Variants in NIBAN1 observed in about 807,000 individuals in gnomAD.
The protein encoded by NIBAN1 is niban apoptosis regulator 1.
In NIBAN1, 81 loss-of-function variants were observed where a neutral mutation model predicts 75.1. That is an observed-to-expected ratio of 1.08 (90% CI 0.90 to 1.30). NIBAN1 has a LOEUF of 1.30. NIBAN1 is among the 50% of genes most tolerant of loss of function. The pLI is 0.00. For missense variants in NIBAN1, 1,133 were observed against 1,128.1 expected (o/e 1.00, Z -0.06); for synonymous variants, 436 against 424.8 (o/e 1.03, Z -0.32).
intron 1 of NIBAN1, among the ~76,000 whole-genome samples, chr1:184,964,686 G>C (rs755377198): frequency 3.0e-4 from 46 of 152,166 alleles, no homozygotes; most frequent in Non-Finnish European, 6.0e-4. Flanking sequence ...AGCTTTCTAG[G>C]GGAAGACAAG....
intron 5 of NIBAN1, among the ~76,000 whole-genome samples, chr1:184,876,972 A>G (rs1183261334): frequency 6.6e-6 from 1 of 152,210 alleles, no homozygotes; most frequent in Non-Finnish European, 1.5e-5. Flanking sequence ...ACTCATTAAC[A>G]CAGATGTGAA....
At chr1:184,815,436 C>T (rs896262287) in intron 9 of NIBAN1, among the ~76,000 whole-genome samples, 6 of 152,116 alleles carry the variant, frequency 3.9e-5, no homozygotes, top group African/African-American at 1.4e-4. Flanking sequence ...AACTGTACAC[C>T]CATTGGACCC....
At chr1:184,868,163 T>C (rs1288912569) in intron 5 of NIBAN1, 1 of 510,242 alleles carries the variant, frequency 2.0e-6, no homozygotes, top group Non-Finnish European at 2.5e-6. Context: ...TACCTCCTTT[T>C]CTAAGCCTCT....
intron 8 of NIBAN1, among the ~76,000 whole-genome samples, chr1:184,820,612 T>C (rs1654669485): frequency 6.6e-6 from 1 of 152,234 alleles, no homozygotes; most frequent in Non-Finnish European, 1.5e-5. Context: ...TTTTCAAGCA[T>C]GCAGAGATGC....
rs1553227227 is a variant in NIBAN1 at position 184,913,138 on chromosome 1, T to TATATATATATATATATATG, written c.56-13830_56-13829insCATATATATATATATATAT. Among the ~76,000 whole-genome samples the TATATATATATATATATATG allele has an allele frequency of 2.4e-3, 202 of 82,752 alleles. 1 individual carries two copies. Among genetic ancestry groups the TATATATATATATATATATG allele is most frequent in the East Asian group, 8.6e-3 (34 of 3,956 alleles). 54.3% of individuals were successfully genotyped at this position (82,752 alleles called of 152,430 possible). ...ATATATGCCTTGCATATCATGCAGG[T>TATATATATATATATATATG]ATATATATATATATATTATATATAT... is the stretch of plus-strand genomic sequence containing the variant. On this transcript the variant is annotated intron_variant, in intron 1 of 13. Coordinates refer to ENST00000367511, the MANE Select transcript of NIBAN1 (RefSeq NM_052966.4).
At chr1:184,974,106 C>G (rs1053857043) in intron 1 of NIBAN1, among the ~76,000 whole-genome samples, 196 bp downstream of exon 1, 1 of 152,114 alleles carries the variant, frequency 6.6e-6, no homozygotes, top group Non-Finnish European at 1.5e-5. Context: ...CAAGCCCTCC[C>G]GGTCCCCGGT....
At chr1:184,826,951 G>C (rs530828002) in intron 6 of NIBAN1, among the ~76,000 whole-genome samples, 1 of 152,104 alleles carries the variant, frequency 6.6e-6, no homozygotes, top group Non-Finnish European at 1.5e-5. Flanking sequence ...GGGGGACCTG[G>C]TGGGAGATAA....
intron 11 of NIBAN1, 61 bp from the exon 12 acceptor site, chr1:184,803,753 C>CA: frequency 6.8e-7 from 1 of 1,480,170 alleles, no homozygotes; most frequent in East Asian, 2.3e-5. Context: ...TATGTTTACT[C>CA]AAAAAACTCA....
At position 184,889,291 on chromosome 1, in the gene NIBAN1, G is replaced by A. The variant is rs1043402505; in HGVS notation, c.433+817C>T. Among the ~76,000 whole-genome samples, 6 of 152,274 alleles carry A rather than the reference G, an allele frequency of 3.9e-5. No homozygotes were observed. The East Asian group carries it at 1.2e-3, about 29-fold the overall frequency. On this transcript the variant is annotated intron_variant, in intron 4 of 13. Coordinates refer to ENST00000367511, the MANE Select transcript of NIBAN1 (RefSeq NM_052966.4). ...AAGTTCAAAGCCCTGTTTTTGAGTT[G>A]GAGAAACAGAAACCAGAGCTGTTCA...
intron 1 of NIBAN1, among the ~76,000 whole-genome samples, chr1:184,963,008 C>T (rs1362073517): frequency 1.3e-5 from 2 of 151,750 alleles, no homozygotes; most frequent in African/African-American, 4.8e-5. Context: ...ATTTTTCAAC[C>T]CCCAATAAAT....
intron 1 of NIBAN1, among the ~76,000 whole-genome samples, chr1:184,914,165 A>G (rs1657321052): frequency 6.6e-6 from 1 of 152,206 alleles, no homozygotes; most frequent in Non-Finnish European, 1.5e-5. Flanking sequence ...TCTACTTCAG[A>G]AAGGTGCAGG....
chr1:184,891,964 G>T lies in NIBAN1; in HGVS notation c.319-1742C>A, dbSNP rs143415577. 2.0e-4 allele frequency among the ~76,000 whole-genome samples: 31 copies of T among 152,220 alleles called. No individual in the cohort carries two copies. The East Asian group carries it at 6.0e-3, about 29-fold the overall frequency. On this transcript the variant is annotated intron_variant, in intron 3 of 13. Coordinates refer to ENST00000367511, the MANE Select transcript of NIBAN1 (RefSeq NM_052966.4). ...CACCATATCTTAACAATTTGAACAG[G>T]TTCAGTTAAAAACGATGAACAAAGA...
chr1:184,913,277 C>G (rs1657297735), intron 1 of NIBAN1, among the ~76,000 whole-genome samples: 1 of 151,616 alleles, frequency 6.6e-6, no homozygotes, highest in South Asian at 2.1e-4. Context: ...ACACATTGAC[C>G]TCCATAGGAA....
chr1:184,796,877 G>A (rs1653888007), intron 13 of NIBAN1, among the ~76,000 whole-genome samples: 1 of 152,206 alleles, frequency 6.6e-6, no homozygotes, highest in African/African-American at 2.4e-5. Flanking sequence ...AGTGTCTGGA[G>A]GAAAGGAGTC....
chr1:184,897,963 AG>A (rs1656844179), intron 2 of NIBAN1, among the ~76,000 whole-genome samples: 1 of 152,114 alleles, frequency 6.6e-6, no homozygotes, highest in Non-Finnish European at 1.5e-5. Context: ...CTCGCCCCAT[AG>A]TCTATTCTTT....
chr1:184,851,840 C>CTT (rs59746255), intron 5 of NIBAN1, among the ~76,000 whole-genome samples: 14 of 143,910 alleles, frequency 9.7e-5, no homozygotes, highest in Non-Finnish European at 7.6e-5. Flanking sequence ...GATCTAACGA[C>CTT]TTTTTTTTTT....
At chr1:184,875,224 T>C (rs986983841) in intron 5 of NIBAN1, among the ~76,000 whole-genome samples, 2 of 152,200 alleles carry the variant, frequency 1.3e-5, no homozygotes, top group Non-Finnish European at 2.9e-5. Flanking sequence ...CTAATGAGTA[T>C]ATTAGCTTTC....
chr1:184,879,526 A>G (rs148839162), intron 5 of NIBAN1, among the ~76,000 whole-genome samples: 2 of 152,296 alleles, frequency 1.3e-5, no homozygotes, highest in Non-Finnish European at 2.9e-5. Context: ...GTAGGTGACC[A>G]GGAAGCAATA....
intron 5 of NIBAN1, among the ~76,000 whole-genome samples, chr1:184,836,625 T>C (rs1326107262): frequency 2.0e-5 from 3 of 152,114 alleles, no homozygotes; most frequent in Non-Finnish European, 1.5e-5. Flanking sequence ...AGAGCTCCAA[T>C]GTAATAGTGG....
Sources: allele counts gnomAD v4.1 joint callset (sites outside exome capture counted in the v4.1 genomes callset), GRCh38; gene constraint gnomAD v4.1.1; transcripts MANE v1.5; gene names NCBI Gene and HGNC (gene_info 2026-07-23, HGNC 2026-07-21).